Variants in CRISP3 observed in about 807,000 individuals in gnomAD.
CRISP3 encodes the protein cysteine-rich secretory protein 3.
A neutral mutation model predicts 36.1 loss-of-function variants in CRISP3; 33 were observed. The ratio of observed to expected loss-of-function variants is 0.91; its 90% confidence interval spans 0.69 to 1.22. CRISP3 has a LOEUF of 1.22. CRISP3 is among the 50% of genes most tolerant of loss of function. The pLI is 0.00. For synonymous variants in CRISP3, 117 were observed against 104.6 expected (o/e 1.12, Z -0.72); for missense variants, 330 against 301.2 (o/e 1.10, Z -0.71).
Position 49,737,376 on chromosome 6 carries a change from C to A in CRISP3, c.60G>T (p.Leu20=). 1 of 1,613,948 alleles carries A rather than the reference C, an allele frequency of 6.2e-7. No homozygotes were observed. The highest frequency in any genetic ancestry group is 8.5e-7 in the Non-Finnish European group (1 of 1,179,928). The stretch of plus-strand genomic sequence containing the variant: ...GAAGCAGCCCAGCAACCAGGAACAA[C>A]AGCACTGGGAATAATGTCATTGCTG... ...ETTAMTLFPV[L]LFLVAGLLPS... Residue 20 remains leucine (L), a synonymous_variant, in exon 2 of 8, where the codon CTG becomes CTT. Coordinates refer to ENST00000263045, the MANE Select transcript of CRISP3 (RefSeq NM_006061.4).
chr6:49,730,352 C>T (rs1768885286), intron 7 of CRISP3, among the ~76,000 whole-genome samples: 1 of 151,776 alleles, frequency 6.6e-6, no homozygotes, highest in Non-Finnish European at 1.5e-5. Context: ...AAATTATTAG[C>T]AAGCAGAAGT....
Position 49,732,140 on chromosome 6 carries a change from G to C in CRISP3, c.561-889C>G, listed in dbSNP as rs1768930301. 1.3e-5 allele frequency among the ~76,000 whole-genome samples: 2 copies of C among 152,148 alleles called. 1 individual carries two copies. Among genetic ancestry groups the C allele is most frequent in the Admixed American group, 1.3e-4 (2 of 15,284 alleles). On this transcript the variant is annotated intron_variant, in intron 6 of 7. Coordinates refer to ENST00000263045, the MANE Select transcript of CRISP3 (RefSeq NM_006061.4). The stretch of plus-strand genomic sequence containing the variant: ...AAGAAAATGTGAAATAGATATCAAA[G>C]TGTTCTGGAAGTTCTCTTTTCCCTG...
chr6:49,740,970 G>A (rs1288226585), intron 1 of CRISP3, among the ~76,000 whole-genome samples: 3 of 151,642 alleles, frequency 2.0e-5, no homozygotes, highest in Non-Finnish European at 4.4e-5. Flanking sequence ...GCATGGTGGC[G>A]AGAGCCTGTA....
chr6:49,735,627 G>A (rs748676919), intron 3 of CRISP3, 36 bp from the exon 4 acceptor site: 1 of 1,495,306 alleles, frequency 6.7e-7, no homozygotes, highest in Non-Finnish European at 9.3e-7. Flanking sequence ...TCCACTTAAT[G>A]TCTCAAACCT....
In CRISP3 at chr6:49,736,541, C is replaced by A. The variant is rs142049108; in HGVS notation, c.112-34G>T. The stretch of plus-strand genomic sequence containing the variant: ...AAATAAAATTACAATTATCTTTTAA[C>A]ATTGTTGGAAATTGCACATAATAGT... On this transcript the variant is annotated intron_variant, in intron 2 of 7. Coordinates refer to ENST00000263045, the MANE Select transcript of CRISP3 (RefSeq NM_006061.4). The A allele has an allele frequency of 4.4e-4, 647 of 1,456,592 alleles. 3 individuals are homozygous for A. The highest frequency in any genetic ancestry group is 2.8e-3 in the South Asian group (249 of 87,636). 90.2% of individuals were successfully genotyped at this position (1,456,592 alleles called of 1,614,324 possible).
intron 3 of CRISP3, 27 bp downstream of exon 3, chr6:49,736,364 C>G: frequency 1.4e-6 from 2 of 1,458,110 alleles, no homozygotes; most frequent in South Asian, 2.3e-5. Context: ...TGTTCACACC[C>G]CTCTCCTTTG....
chr6:49,735,645 G>A (rs1769031584), intron 3 of CRISP3, 54 bp from the exon 4 acceptor site: 4 of 1,356,042 alleles, frequency 2.9e-6, no homozygotes, highest in East Asian at 2.3e-5. Flanking sequence ...CCTCAAAGGA[G>A]CATAAGCTTT....
At chr6:49,739,178 A>G (rs1769137960) in intron 1 of CRISP3, among the ~76,000 whole-genome samples, 1 of 152,204 alleles carries the variant, frequency 6.6e-6, no homozygotes, top group Admixed American at 6.5e-5. Flanking sequence ...TGCTGTATTT[A>G]GAGATGGGCC....
rs1409104845 is a variant in CRISP3, at chr6:49,737,318, A to G, written c.111+7T>C. The G allele has an allele frequency of 1.2e-6, 2 of 1,613,140 alleles. No homozygotes were observed. The highest frequency in any genetic ancestry group is 1.7e-6 in the Non-Finnish European group (2 of 1,179,314). On this transcript the variant is annotated splice_region_variant and intron_variant, in intron 2 of 7. Coordinates refer to ENST00000263045, the MANE Select transcript of CRISP3 (RefSeq NM_006061.4). ...ATTTTTCTGAAGATTTTTGACTTCA[A>G]CCATACCTTATCTTCATTTGCTGGA...
intron 1 of CRISP3, among the ~76,000 whole-genome samples, chr6:49,740,626 A>G (rs1425839366): frequency 1.7e-5 from 2 of 119,296 alleles, no homozygotes; most frequent in Admixed American, 1.1e-4. Context: ...GTGTATAGTG[A>G]ATGTGAAGGA....
intron 1 of CRISP3, among the ~76,000 whole-genome samples, chr6:49,741,591 A>G (rs1399564933): frequency 6.7e-6 from 1 of 150,080 alleles, no homozygotes; most frequent in Non-Finnish European, 1.5e-5. Context: ...ATACGTCATT[A>G]AATTCAACCC....
chr6:49,740,756 G>A (rs1769178293), intron 1 of CRISP3, among the ~76,000 whole-genome samples: 1 of 151,994 alleles, frequency 6.6e-6, no homozygotes, highest in African/African-American at 2.4e-5. Context: ...ACAGAAAAAC[G>A]CTTGCTCTAG....
chr6:49,727,867 C>T lies in CRISP3; in HGVS notation c.*863G>A, dbSNP rs966147575. The T allele has an allele frequency of 2.0e-5, 3 of 152,072 alleles. No individual in the cohort carries two copies. Among genetic ancestry groups the T allele is most frequent in the Non-Finnish European group, 4.4e-5 (3 of 67,992 alleles). The allele number at this position is 152,072 out of a possible 1,614,324, so 9.4% of individuals were successfully genotyped here. ...AATCTGAATGACTTATCACTGGTGA[C>T]GTTAATTTTGATCACTTGGTGAAGA... On this transcript the variant is annotated 3_prime_UTR_variant, in exon 8 of 8. Transcript: ENST00000263045.
chr6:49,738,996 A>G (rs1769130987), intron 1 of CRISP3, among the ~76,000 whole-genome samples: 1 of 145,656 alleles, frequency 6.9e-6, no homozygotes, highest in Non-Finnish European at 1.5e-5. Context: ...ATACACTTGA[A>G]GTCTGAAAAA....
chr6:49,733,012 C>T (rs1276886182), intron 6 of CRISP3, among the ~76,000 whole-genome samples, 183 bp downstream of exon 6: 2 of 152,120 alleles, frequency 1.3e-5, no homozygotes, highest in South Asian at 2.1e-4. Context: ...TTCAATAATA[C>T]TTGGAACTGG....
chr6:49,733,347 A>G, intron 5 of CRISP3, 55 bp from the exon 6 acceptor site: 1 of 1,172,612 alleles, frequency 8.5e-7, no homozygotes, highest in South Asian at 1.4e-5. Context: ...GGAAATACCA[A>G]AAAACAAATA....
intron 1 of CRISP3, among the ~76,000 whole-genome samples, chr6:49,739,594 G>T (rs961526924): frequency 1.1e-4 from 16 of 152,262 alleles, no homozygotes; most frequent in African/African-American, 3.8e-4. Flanking sequence ...ATATGATAAA[G>T]ATGTAACATC....
Position 49,728,872 on chromosome 6 carries a change from A to G in CRISP3, c.650-15T>C. 1 of 1,600,986 alleles carries G rather than the reference A, an allele frequency of 6.2e-7. No homozygotes were observed. Among genetic ancestry groups the G allele is most frequent in the Non-Finnish European group, 8.5e-7 (1 of 1,174,204 alleles). On this transcript the variant is annotated splice_polypyrimidine_tract_variant and intron_variant, in intron 7 of 7. Coordinates refer to ENST00000263045, the MANE Select transcript of CRISP3 (RefSeq NM_006061.4). Reference sequence around the variant, plus strand: ...GCAACCATTGGCTGGAATAAAAACAAAGAAATTAGTCACTTCATTATCATT... The same window carrying G: ...GCAACCATTGGCTGGAATAAAAACAGAGAAATTAGTCACTTCATTATCATT...
At chr6:49,737,692 T>A (rs1769094321) in intron 1 of CRISP3, among the ~76,000 whole-genome samples, 1 of 152,178 alleles carries the variant, frequency 6.6e-6, no homozygotes, top group South Asian at 2.1e-4. Context: ...TCCGCAGTCT[T>A]CTCTGTGTAA....
Sources: gnomAD v4.1 joint callset for allele counts (sites outside exome capture counted in the v4.1 genomes callset) on GRCh38, gnomAD v4.1.1 for gene constraint, MANE v1.5 for transcripts, NCBI Gene and HGNC (gene_info 2026-07-23, HGNC 2026-07-21) for gene names.